RIMS2: variants seen among roughly 807,000 people sequenced by gnomAD.
RIMS2 encodes the protein regulating synaptic membrane exocytosis protein 2.
RIMS2 carries 59 observed loss-of-function variants against 174.4 expected under a neutral mutation model. The observed-to-expected ratio is 0.34, with a 90% CI of 0.27 to 0.42. RIMS2 has a LOEUF of 0.42. Among genes scored for constraint, RIMS2 ranks in the 10% least tolerant of loss-of-function variants. The pLI, the probability that RIMS2 is intolerant of heterozygous loss-of-function variation, is 1.00. For missense variants in RIMS2, 1,620 were observed against 1,666.3 expected (o/e 0.97, Z 0.48); for synonymous variants, 606 against 572.5 (o/e 1.06, Z -0.84).
rs370342647 is a variant in RIMS2 at position 103,918,503 on chromosome 8, G to T, written c.2083+16G>T. Reference sequence around the variant, plus strand: ...CTGGAGTCCAGTAAGTTTTATTTATGCTGGAAGAAAACGTTATTTATAATT... The same window carrying T: ...CTGGAGTCCAGTAAGTTTTATTTATTCTGGAAGAAAACGTTATTTATAATT... On this transcript the variant is annotated intron_variant, in intron 9 of 23. Transcript: ENST00000504942. 2.5e-6 allele frequency: 4 copies of T among 1,575,324 alleles called. No homozygotes were observed. Among genetic ancestry groups the T allele is most frequent in the Non-Finnish European group, 3.5e-6 (4 of 1,145,908 alleles).
chr8:104,185,845 G>A (rs1274255423), intron 19 of RIMS2, among the ~76,000 whole-genome samples: 2 of 151,478 alleles, frequency 1.3e-5, no homozygotes, highest in South Asian at 2.1e-4. Context: ...ACTAAAAATC[G>A]AATTACCATT....
intron 11 of RIMS2, among the ~76,000 whole-genome samples, chr8:103,928,612 TA>T (rs2079244915): frequency 6.6e-6 from 1 of 151,244 alleles, no homozygotes; most frequent in Non-Finnish European, 1.5e-5. Context: ...ATGTTGTTTT[TA>T]AAAAATTTGT....
intron 19 of RIMS2, among the ~76,000 whole-genome samples, chr8:104,017,813 C>T (rs1291542077): frequency 6.6e-6 from 1 of 152,112 alleles, no homozygotes; most frequent in Non-Finnish European, 1.5e-5. Context: ...ACGTGGCTCA[C>T]GTCTGTAATC....
chr8:104,064,838 T>C (rs2097075846), intron 19 of RIMS2, among the ~76,000 whole-genome samples: 2 of 152,060 alleles, frequency 1.3e-5, no homozygotes, highest in Non-Finnish European at 2.9e-5. Flanking sequence ...ACCATCTCAA[T>C]CAAATTTTTT....
chr8:104,016,047 G>A (rs970598591), intron 19 of RIMS2, among the ~76,000 whole-genome samples: 2 of 151,932 alleles, frequency 1.3e-5, no homozygotes, highest in Admixed American at 1.3e-4. Context: ...AGAAAATACT[G>A]AATGGTGATA....
intron 1 of RIMS2, among the ~76,000 whole-genome samples, chr8:103,679,515 C>G (rs1372240292): frequency 6.6e-6 from 1 of 151,862 alleles, no homozygotes; most frequent in East Asian, 1.9e-4. Context: ...TGAAAACACA[C>G]TTATAATATG....
At chr8:103,502,318 A>G (rs1159408747) in intron 1 of RIMS2, among the ~76,000 whole-genome samples, 1 of 152,176 alleles carries the variant, frequency 6.6e-6, no homozygotes, top group African/African-American at 2.4e-5. Flanking sequence ...ATAGGTATAT[A>G]TTTTCATATT....
At chr8:104,085,460 C>G (rs1371445301) in intron 19 of RIMS2, among the ~76,000 whole-genome samples, 1 of 152,168 alleles carries the variant, frequency 6.6e-6, no homozygotes, top group Non-Finnish European at 1.5e-5. Context: ...ATCAAATGAT[C>G]ACCTTACATA....
chr8:103,981,180 A>G (rs1039637396), intron 16 of RIMS2, among the ~76,000 whole-genome samples: 10 of 152,134 alleles, frequency 6.6e-5, no homozygotes, highest in Admixed American at 2.0e-4. Context: ...CAGCGGTGGT[A>G]GCCACAGGGG....
Position 103,824,477 on chromosome 8 carries a change from G to T in RIMS2, c.698+57940G>T, listed in dbSNP as rs560408027. Among the ~76,000 whole-genome samples, 11 of 152,250 alleles carry T rather than the reference G, an allele frequency of 7.2e-5. No individual in the cohort carries two copies. In the South Asian group the frequency reaches 1.9e-3, roughly 26 times the overall value. On this transcript the variant is annotated intron_variant, in intron 3 of 23. Coordinates refer to ENST00000504942, the Ensembl canonical transcript of RIMS2. Reference sequence around the variant, plus strand: ...GTTTTGCTTTCAAATTTGAGAAATTGTAAGTATTTTAGAAAAATGTGTGAA... The same window carrying T: ...GTTTTGCTTTCAAATTTGAGAAATTTTAAGTATTTTAGAAAAATGTGTGAA...
chr8:104,208,349 C>T (rs1171444951), intron 19 of RIMS2, among the ~76,000 whole-genome samples: 1 of 152,086 alleles, frequency 6.6e-6, no homozygotes, highest in Non-Finnish European at 1.5e-5. Context: ...GGGCAGATCA[C>T]CTGAGTTCAG....
intron 19 of RIMS2, among the ~76,000 whole-genome samples, chr8:104,188,528 A>C (rs2098981507): frequency 6.6e-6 from 1 of 151,720 alleles, no homozygotes; most frequent in African/African-American, 2.4e-5. Flanking sequence ...CTGTGGGTGA[A>C]ACACTCAAAA....
intron 3 of RIMS2, among the ~76,000 whole-genome samples, chr8:103,873,580 T>C (rs370358169): frequency 9.5e-4 from 144 of 152,264 alleles, no homozygotes; most frequent in African/African-American, 3.3e-3. Flanking sequence ...GCTTGAAACA[T>C]GTGGCATGTG....
At chr8:104,210,569 A>T (rs1361460999) in intron 19 of RIMS2, among the ~76,000 whole-genome samples, 1 of 152,188 alleles carries the variant, frequency 6.6e-6, no homozygotes, top group African/African-American at 2.4e-5. Flanking sequence ...ATCTCTACAT[A>T]CACATATCTC....
intron 3 of RIMS2, among the ~76,000 whole-genome samples, chr8:103,781,908 C>T (rs750868926): frequency 7.2e-5 from 11 of 151,744 alleles, no homozygotes; most frequent in East Asian, 1.9e-4. Flanking sequence ...CCACCATGCC[C>T]GGGTAATTTT....
At chr8:103,881,717 A>C (rs1033513503) in intron 3 of RIMS2, among the ~76,000 whole-genome samples, 1 of 151,578 alleles carries the variant, frequency 6.6e-6, no homozygotes, top group Non-Finnish European at 1.5e-5. Flanking sequence ...ATTGTAAGCA[A>C]GGAATAGAAA....
chr8:103,855,309 T>A lies in RIMS2; in HGVS notation c.699-29989T>A, dbSNP rs184304936. ...ATTTTTTCAAGTAACAAACTCTTGGTTTCATTGATATTTTGTATGGATTTT... is the reference window on the plus strand; with the variant it reads ...ATTTTTTCAAGTAACAAACTCTTGGATTCATTGATATTTTGTATGGATTTT... On this transcript the variant is annotated intron_variant, in intron 3 of 23. Transcript: ENST00000504942. 7.2e-4 allele frequency among the ~76,000 whole-genome samples: 109 copies of A among 152,164 alleles called. No individual in the cohort carries two copies. The South Asian group carries it at 9.3e-3, about 13-fold the overall frequency.
intron 3 of RIMS2, among the ~76,000 whole-genome samples, chr8:103,804,699 G>A (rs1204239474): frequency 6.6e-6 from 1 of 152,228 alleles, no homozygotes; most frequent in African/African-American, 2.4e-5. Flanking sequence ...TTTGACTGTG[G>A]TATTTACCTG....
chr8:104,115,977 T>C (rs1052488235), intron 19 of RIMS2, among the ~76,000 whole-genome samples: 6 of 152,166 alleles, frequency 3.9e-5, no homozygotes, highest in African/African-American at 1.4e-4. Flanking sequence ...GCAGCTACAG[T>C]AGTAATTGTT....
Sources: allele counts gnomAD v4.1 joint callset (sites outside exome capture counted in the v4.1 genomes callset), GRCh38; gene constraint gnomAD v4.1.1; transcripts MANE v1.5; gene names NCBI Gene and HGNC (gene_info 2026-07-23, HGNC 2026-07-21).